Variants in PSMA6 observed in about 807,000 individuals in gnomAD.
PSMA6 encodes proteasome 20S subunit alpha 6, also known as proteasome subunit alpha type-6.
For missense variants in PSMA6, 170 were observed against 294.8 expected (o/e 0.58, Z 3.10); for synonymous variants, 88 against 97.7 (o/e 0.90, Z 0.59).
At chr14:35,313,086 TTTTTATGCTA>T in intron 5 of PSMA6, 27 bp downstream of exon 5, 1 of 1,543,328 alleles carries the variant, frequency 6.5e-7, no homozygotes, top group Non-Finnish European at 8.7e-7. Flanking sequence ...GAGCTGACTT[TTTTTATGCTA>T]TATAGAACAG....
At chr14:35,285,548 T>C (rs922058275) in intron 1 of PSMA6, among the ~76,000 whole-genome samples, 10 of 152,210 alleles carry the variant, frequency 6.6e-5, no homozygotes, top group Non-Finnish European at 1.3e-4. Context: ...TGACTTAATT[T>C]TGTGGTAAGA....
At chr14:35,285,355 CA>C (rs3058486) in intron 1 of PSMA6, among the ~76,000 whole-genome samples, 1 of 141,820 alleles carries the variant, frequency 7.1e-6, no homozygotes, top group Non-Finnish European at 1.5e-5. Flanking sequence ...AAACAAAAAA[CA>C]AAAAAAAAAA....
upstream of PSMA6, among the ~76,000 whole-genome samples, chr14:35,290,323 G>T (rs1429074457): frequency 1.3e-5 from 2 of 152,122 alleles, no homozygotes; most frequent in Non-Finnish European, 2.9e-5. Flanking sequence ...GGCTCTTTCA[G>T]AGTCTGAGAA....
Position 35,308,065 on chromosome 14 carries a change from A to G in PSMA6, c.148A>G (p.Ile50Val), listed in dbSNP as rs767610635. The change falls in exon 2 of 7, where the codon ATT becomes GTT. Residue 50 changes from isoleucine (I) to valine (V), a missense_variant. Transcript: ENST00000261479. ...VAVRGKDCAV[I>V]VTQKKVPDKL... ...TGTCAGAGGGAAAGACTGTGCAGTA[A>G]TTGTCACACAGAAGAAAGTACCTGT... 16 of 1,613,964 alleles carry G rather than the reference A, an allele frequency of 9.9e-6. No individual in the cohort carries two copies. Among genetic ancestry groups the G allele is most frequent in the Non-Finnish European group, 1.3e-5 (15 of 1,179,880 alleles).
upstream of PSMA6, among the ~76,000 whole-genome samples, chr14:35,287,628 C>T (rs568656037): frequency 1.2e-4 from 19 of 152,280 alleles, no homozygotes; most frequent in South Asian, 2.1e-4. Flanking sequence ...CCTTGCCAAA[C>T]GGAGGCCCCC....
chr14:35,288,484 C>T (rs556143192), upstream of PSMA6, among the ~76,000 whole-genome samples: 146 of 152,262 alleles, frequency 9.6e-4, no homozygotes, highest in Admixed American at 1.9e-3. Flanking sequence ...GGCGACAGAG[C>T]GAGGCTCCAT....
intron 6 of PSMA6, chr14:35,315,955 C>T (rs1468523011): frequency 6.6e-6 from 1 of 152,158 alleles, no homozygotes; most frequent in African/African-American, 2.4e-5. Context: ...ACTATTTAAA[C>T]TGCTTGATAT....
At chr14:35,302,410 G>A (rs2051732359) in intron 1 of PSMA6, among the ~76,000 whole-genome samples, 1 of 145,134 alleles carries the variant, frequency 6.9e-6, no homozygotes, top group South Asian at 2.2e-4. Context: ...CACTTATTAT[G>A]TCATAGTTTC....
intron 1 of PSMA6, among the ~76,000 whole-genome samples, chr14:35,283,749 G>A (rs1215447084): frequency 6.6e-6 from 1 of 151,796 alleles, no homozygotes; most frequent in Non-Finnish European, 1.5e-5. Context: ...TTTATTTTTT[G>A]TAGATAAAGG....
At chr14:35,293,137 A>T (rs770851121) in intron 1 of PSMA6, 14 of 418,368 alleles carry the variant, frequency 3.3e-5, no homozygotes, top group Non-Finnish European at 4.3e-5. Context: ...ACAAATATCT[A>T]CAGAGTTCAA....
chr14:35,310,940 T>G, intron 4 of PSMA6, 45 bp downstream of exon 4: 1 of 1,564,928 alleles, frequency 6.4e-7, no homozygotes, highest in East Asian at 2.3e-5. Flanking sequence ...GAATTGAAAC[T>G]TTTTACAGAA....
At chr14:35,311,617 G>A (rs1311494294) in intron 4 of PSMA6, among the ~76,000 whole-genome samples, 1 of 152,082 alleles carries the variant, frequency 6.6e-6, no homozygotes, top group Non-Finnish European at 1.5e-5. Flanking sequence ...CTTATATTTT[G>A]TATATATCAA....
intron 1 of PSMA6, among the ~76,000 whole-genome samples, chr14:35,298,768 C>T (rs949299128): frequency 6.6e-5 from 10 of 151,976 alleles, no homozygotes; most frequent in Admixed American, 2.6e-4. Flanking sequence ...GAGTTTCACT[C>T]GGTTGCCCAG....
chr14:35,293,395 A>G (rs892122300), intron 1 of PSMA6: 11 of 166,630 alleles, frequency 6.6e-5, no homozygotes, highest in Non-Finnish European at 1.3e-4. Context: ...TATAAGCCAG[A>G]CCCTTGATCT....
rs17597246 is a variant in PSMA6, at chr14:35,312,675, A to G, written c.410-206A>G. 0.068 allele frequency: 31,903 copies of G among 469,678 alleles called. 1,372 individuals carry two copies. The highest frequency in any genetic ancestry group is 0.1 in the Middle Eastern group (360 of 3,432). The allele number at this position is 469,678 out of a possible 1,614,324, so 29.1% of individuals were successfully genotyped here. A position where few individuals can be genotyped will look rare whatever the true frequency, so the allele number is the denominator to read the frequency against. ...AAACTATTTTTTTTAATCTGTGATA[A>G]ATCCTTTTGTGAAATGGGAATTTAC... On this transcript the variant is annotated intron_variant, in intron 4 of 6. Coordinates refer to ENST00000261479, the MANE Select transcript of PSMA6 (RefSeq NM_002791.3).
chr14:35,310,921 A>C (rs765218893), intron 4 of PSMA6, 26 bp downstream of exon 4: 1 of 1,596,010 alleles, frequency 6.3e-7, no homozygotes, highest in East Asian at 2.2e-5. Context: ...GGTCTCCCAA[A>C]TAATTGATGA....
At chr14:35,307,195 A>G (rs1343754060) in intron 1 of PSMA6, among the ~76,000 whole-genome samples, 1 of 152,228 alleles carries the variant, frequency 6.6e-6, no homozygotes, top group Admixed American at 6.5e-5. Flanking sequence ...AATTGCAAAA[A>G]GCATGATCCA....
intron 1 of PSMA6, among the ~76,000 whole-genome samples, chr14:35,279,636 A>G (rs1244508266): frequency 6.6e-6 from 1 of 152,110 alleles, no homozygotes; most frequent in Non-Finnish European, 1.5e-5. Context: ...CTGATCTCCA[A>G]CTCCTAAAGA....
intron 1 of PSMA6, among the ~76,000 whole-genome samples, chr14:35,305,755 A>G (rs1457057412): frequency 6.6e-6 from 1 of 152,048 alleles, no homozygotes. Flanking sequence ...GTGTTTTCAT[A>G]TTTTCTACCA....
Sources: allele counts gnomAD v4.1 joint callset (sites outside exome capture counted in the v4.1 genomes callset), GRCh38; gene constraint gnomAD v4.1.1; transcripts MANE v1.5; gene names NCBI Gene and HGNC (gene_info 2026-07-23, HGNC 2026-07-21).